PSPC1: variants seen among roughly 807,000 people sequenced by gnomAD.
PSPC1 encodes paraspeckle component 1.
PSPC1 carries 14 observed loss-of-function variants against 51.6 expected under a neutral mutation model. The observed-to-expected ratio is 0.27, with a 90% confidence interval of 0.18 to 0.42. The LOEUF is 0.42. Ranked by LOEUF, PSPC1 falls within the 10% of genes least tolerant of loss-of-function variation. The pLI is 1.00. For synonymous variants in PSPC1, 193 were observed against 231.9 expected (o/e 0.83, Z 1.53); for missense variants, 406 against 701.1 (o/e 0.58, Z 4.75).
intron 6 of PSPC1, chr13:19,677,937 T>TA (rs771568322): frequency 5.1e-5 from 22 of 431,302 alleles, no homozygotes; most frequent in Non-Finnish European, 1.0e-4. Flanking sequence ...GAGGTTTCGA[T>TA]ACCATGTAGT....
At chr13:19,677,228 G>A (rs1425967576) in intron 7 of PSPC1, among the ~76,000 whole-genome samples, 21 of 69,424 alleles carry the variant, frequency 3.0e-4, no homozygotes, top group African/African-American at 6.0e-4. Context: ...GCAAGACTCC[G>A]TCTCAAAAAA....
rs137870763 is a variant in PSPC1 at position 19,708,961 on chromosome 13, G to A, written c.1216+581C>T. 4.6e-3 allele frequency among the ~76,000 whole-genome samples: 695 copies of A among 151,980 alleles called. 5 individuals are homozygous for A. The highest frequency in any genetic ancestry group is 0.026 in the South Asian group (127 of 4,810). ...GTAAACTGCTTGAGCCCAGGAGTTC[G>A]AGACCATCCTGGGCAACAAAGCGAA... On this transcript the variant is annotated intron_variant, in intron 7 of 8. Coordinates refer to ENST00000338910, the MANE Select transcript of PSPC1 (RefSeq NM_001354909.2).
chr13:19,672,573 A>C (rs1019683628), downstream of PSPC1: 1 of 152,544 alleles, frequency 6.6e-6, no homozygotes. Context: ...GTTATATTCA[A>C]GTTACCCAAG....
intron 5 of PSPC1, among the ~76,000 whole-genome samples, chr13:19,738,258 T>C (rs1479150189): frequency 2.0e-5 from 3 of 152,190 alleles, no homozygotes; most frequent in Non-Finnish European, 4.4e-5. Flanking sequence ...TAGCCGTTCA[T>C]CTTTCTCTAA....
chr13:19,779,888 C>G (rs1889714545), intron 1 of PSPC1, among the ~76,000 whole-genome samples: 1 of 125,570 alleles, frequency 8.0e-6, no homozygotes, highest in Non-Finnish European at 1.7e-5. Context: ...GCCCGGCCAG[C>G]CGCCCCGTCC....
chr13:19,762,430 C>A (rs566222924), intron 2 of PSPC1, among the ~76,000 whole-genome samples: 20 of 152,266 alleles, frequency 1.3e-4, no homozygotes, highest in African/African-American at 4.8e-4. Context: ...CGTGGTGGCA[C>A]ACGCCTGTAG....
rs560015624 is a variant in PSPC1 at position 19,771,225 on chromosome 13, C to T, written c.674+1017G>A. Among the ~76,000 whole-genome samples, 13 of 152,018 alleles carry T rather than the reference C, an allele frequency of 8.6e-5. No homozygotes were observed. The Middle Eastern group carries it at 0.014, about 159-fold the overall frequency. On this transcript the variant is annotated intron_variant, in intron 2 of 8. Coordinates refer to ENST00000338910, the MANE Select transcript of PSPC1 (RefSeq NM_001354909.2). ...CAATCTGGACTCACTGCAACCTCCG[C>T]CCCCCGGGTTCAACCGATTCTGGTG...
At chr13:19,779,278 G>GT (rs1244450980) in intron 1 of PSPC1, among the ~76,000 whole-genome samples, 3 of 40,322 alleles carry the variant, frequency 7.4e-5, no homozygotes, top group Admixed American at 2.5e-4. Context: ...CGGGAGGGAG[G>GT]TGGGGGGGGT....
intron 6 of PSPC1, among the ~76,000 whole-genome samples, chr13:19,717,751 C>A (rs1049404516): frequency 6.6e-6 from 1 of 150,508 alleles, no homozygotes; most frequent in African/African-American, 2.4e-5. Flanking sequence ...TGGTGGTGCA[C>A]CCCTGTATCC....
chr13:19,688,093 C>T (rs1413326367), intron 6 of PSPC1, among the ~76,000 whole-genome samples: 2 of 152,128 alleles, frequency 1.3e-5, no homozygotes, highest in African/African-American at 4.8e-5. Context: ...AAGATAGATA[C>T]TACTTCCCCT....
intron 7 of PSPC1, among the ~76,000 whole-genome samples, chr13:19,706,411 GA>G (rs2137748056): frequency 7.0e-6 from 1 of 143,676 alleles, no homozygotes; most frequent in East Asian, 2.1e-4. Context: ...TTTTTATTTT[GA>G]AATATGGACT....
intron 6 of PSPC1, among the ~76,000 whole-genome samples, chr13:19,693,001 A>C (rs1408469303): frequency 2.6e-5 from 4 of 152,114 alleles, no homozygotes; most frequent in Non-Finnish European, 5.9e-5. Flanking sequence ...GCTTATCCTT[A>C]CTCGCAGTCA....
Position 19,782,282 on chromosome 13 carries a change from C to A in PSPC1, c.372+104G>T, listed in dbSNP as rs1890059483. The A allele has an allele frequency of 4.2e-6, 6 of 1,427,620 alleles. No homozygotes were observed. Among genetic ancestry groups the A allele is most frequent in the Non-Finnish European group, 5.5e-6 (6 of 1,092,354 alleles). 88.4% of individuals were successfully genotyped at this position (1,427,620 alleles called of 1,614,324 possible). A position where few individuals can be genotyped will look rare whatever the true frequency, so the allele number is the denominator to read the frequency against. On this transcript the variant is annotated intron_variant, in intron 1 of 8. Coordinates refer to ENST00000338910, the MANE Select transcript of PSPC1 (RefSeq NM_001354909.2). This position sits in a 1 kb window ranked among gnomAD's most constrained non-coding sequence, Gnocchi z 4.5. ...TGAGGCCGAGCGGCGCCACGGTTGC[C>A]ACAGGTTGAGACAGCGTCCTAGGAC...
At chr13:19,779,173 G>A (rs371348295) in intron 1 of PSPC1, among the ~76,000 whole-genome samples, 731 of 101,174 alleles carry the variant, frequency 7.2e-3, no homozygotes, top group African/African-American at 0.025. Flanking sequence ...CCCTCCGCCC[G>A]GCAGCTGCCC....
intron 6 of PSPC1, among the ~76,000 whole-genome samples, chr13:19,721,142 C>T (rs1882720698): frequency 1.3e-5 from 2 of 152,054 alleles, no homozygotes; most frequent in African/African-American, 4.8e-5. Context: ...ACTGACTAGC[C>T]TAAAATATAA....
chr13:19,673,707 G>T (rs1876301450), downstream of PSPC1, among the ~76,000 whole-genome samples: 1 of 152,180 alleles, frequency 6.6e-6, no homozygotes, highest in South Asian at 2.1e-4. Flanking sequence ...GTGACCTGCT[G>T]TTTATCAGGA....
chr13:19,727,372 C>G (rs1458231018), intron 6 of PSPC1, among the ~76,000 whole-genome samples: 1 of 151,130 alleles, frequency 6.6e-6, no homozygotes, highest in Non-Finnish European at 1.5e-5. Flanking sequence ...CCAGCCTGAA[C>G]GACAAGAGTG....
chr13:19,738,820 T>C (rs1463298316), intron 5 of PSPC1, among the ~76,000 whole-genome samples: 2 of 149,672 alleles, frequency 1.3e-5, no homozygotes, highest in South Asian at 2.1e-4. Context: ...GGCAGGAGAA[T>C]GGCGTGAACT....
rs115675719 is a variant in PSPC1, at chr13:19,764,527, T to C, written c.675-5109A>G. The stretch of plus-strand genomic sequence containing the variant: ...AAAATATACAGTACTAAAAAAAACA[T>C]GGTGACTTAAGGGCTGGGCAAGGTG... On this transcript the variant is annotated intron_variant, in intron 2 of 8. Transcript: ENST00000338910. Among the ~76,000 whole-genome samples, 1,289 of 151,870 alleles carry C rather than the reference T, an allele frequency of 8.5e-3. 20 individuals carry two copies. The highest frequency in any genetic ancestry group is 0.029 in the African/African-American group (1,208 of 41,434).
Sources: gnomAD v4.1 joint callset for allele counts (sites outside exome capture counted in the v4.1 genomes callset) on GRCh38, gnomAD v4.1.1 for gene constraint, Gnocchi (gnomAD v3.1) non-coding constraint, MANE v1.5 for transcripts, NCBI Gene and HGNC (gene_info 2026-07-23, HGNC 2026-07-21) for gene names.